The following PIP5K1B variants were observed in gnomAD, a reference collection of about 807,000 sequenced individuals.
PIP5K1B encodes phosphatidylinositol-4-phosphate 5-kinase type 1 beta, also known as phosphatidylinositol 4-phosphate 5-kinase type-1 beta.
In PIP5K1B, 42 loss-of-function variants were observed where a neutral mutation model predicts 67.0. That is an observed-to-expected ratio of 0.63 (90% confidence interval 0.49 to 0.81). The LOEUF (loss-of-function observed/expected upper bound fraction) is 0.81, where lower values mean the gene tolerates loss of function less well. Among genes scored for constraint, PIP5K1B ranks in the 30% least tolerant of loss-of-function variants. The pLI is 0.00. For synonymous variants in PIP5K1B, 214 were observed against 231.4 expected (o/e 0.92, Z 0.68); for missense variants, 459 against 646.3 (o/e 0.71, Z 3.14).
rs1204368945 is a variant in PIP5K1B at position 68,934,928 on chromosome 9, A to G, written c.1240A>G (p.Ile414Val). 12 of 1,612,780 alleles carry G rather than the reference A, an allele frequency of 7.4e-6. No homozygotes were observed. Among genetic ancestry groups the G allele is most frequent in the East Asian group, 2.2e-5 (1 of 44,820 alleles). Residue 414 changes from isoleucine (I) to valine (V), a missense_variant, in exon 13 of 16, where the codon ATC becomes GTC. Coordinates refer to ENST00000265382, the MANE Select transcript of PIP5K1B (RefSeq NM_003558.4). Reference sequence around the variant, plus strand: ...ACCGTCTAAGAAACGGTGCAATTCAATCGCCGCCCTAAAGGCCACTTCACA... The same window carrying G: ...ACCGTCTAAGAAACGGTGCAATTCAGTCGCCGCCCTAAAGGCCACTTCACA... The part of the protein sequence containing the change: ...ASPSKKRCNS[I>V]AALKATSQEI...
chr9:68,880,598 C>T (rs1291563402), intron 6 of PIP5K1B, among the ~76,000 whole-genome samples: 10 of 148,348 alleles, frequency 6.7e-5, no homozygotes, highest in African/African-American at 2.0e-4. Flanking sequence ...CGCATACACA[C>T]ACACACACAC....
At position 69,008,454 on chromosome 9, in the gene PIP5K1B, A is replaced by C. The variant is rs767671141; in HGVS notation, c.*5A>C. On this transcript the variant is annotated 3_prime_UTR_variant, in exon 16 of 16. Transcript: ENST00000265382. ...CTTTTTTGCTCCCCCCAGTAAGTGA[A>C]AATGGTGATCACCTAAGCACATGGA... 5.6e-6 allele frequency: 9 copies of C among 1,613,924 alleles called. No individual in the cohort carries two copies. Among genetic ancestry groups the C allele is most frequent in the Non-Finnish European group, 7.6e-6 (9 of 1,179,764 alleles).
chr9:68,778,607 C>T (rs1831044484), intron 2 of PIP5K1B, among the ~76,000 whole-genome samples: 1 of 152,218 alleles, frequency 6.6e-6, no homozygotes, highest in Non-Finnish European at 1.5e-5. Flanking sequence ...AGAATCTTAT[C>T]TGTACTGTTG....
chr9:68,922,196 G>A (rs2132537973), intron 11 of PIP5K1B, among the ~76,000 whole-genome samples: 1 of 152,250 alleles, frequency 6.6e-6, no homozygotes, highest in East Asian at 1.9e-4. Context: ...CAGGTGCAGT[G>A]GCTCATGCCT....
intron 15 of PIP5K1B, among the ~76,000 whole-genome samples, chr9:69,003,766 C>T (rs1429655979): frequency 3.3e-5 from 5 of 152,194 alleles, no homozygotes; most frequent in Admixed American, 3.3e-4. Flanking sequence ...AAACTCCTCA[C>T]CTTCTCATGC....
chr9:68,990,263 A>C (rs1050275619), intron 14 of PIP5K1B, among the ~76,000 whole-genome samples: 6 of 152,162 alleles, frequency 3.9e-5, no homozygotes, highest in African/African-American at 1.2e-4. Flanking sequence ...CAGAAATGCA[A>C]ATCCATGGGC....
At chr9:68,998,047 TTTTTCTTTTTTTCTTTTTTC>T (rs1162685375) in intron 15 of PIP5K1B, among the ~76,000 whole-genome samples, 1 of 147,516 alleles carries the variant, frequency 6.8e-6, no homozygotes, top group Admixed American at 6.6e-5. Context: ...CTACTTTCTT[TTTTTCTTTTTTTCTTTTTTC>T]TTTTCTTTTT....
In PIP5K1B at chr9:68,823,558, T is replaced by A. The variant is rs570485023; in HGVS notation, c.69+875T>A. ...CTTTTTCCAGACTTCCTAATGTATCTTAACTTACCAGTCTTTGATAAATTC... is the reference window on the plus strand; with the variant it reads ...CTTTTTCCAGACTTCCTAATGTATCATAACTTACCAGTCTTTGATAAATTC... On this transcript the variant is annotated intron_variant, in intron 4 of 15. Coordinates refer to ENST00000265382, the MANE Select transcript of PIP5K1B (RefSeq NM_003558.4). Among the ~76,000 whole-genome samples the A allele has an allele frequency of 2.6e-5, 4 of 152,354 alleles. No individual in the cohort carries two copies. In the East Asian group the frequency reaches 7.7e-4, roughly 29 times the overall value.
chr9:68,721,413 G>C (rs571800634), intron 1 of PIP5K1B, among the ~76,000 whole-genome samples: 1 of 152,274 alleles, frequency 6.6e-6, no homozygotes, highest in East Asian at 1.9e-4. Flanking sequence ...ATGAGTTTTG[G>C]GGAATGGTAG....
intron 12 of PIP5K1B, among the ~76,000 whole-genome samples, chr9:68,925,996 G>A (rs112390476): frequency 0.037 from 5,615 of 151,536 alleles, 149 homozygotes; most frequent in South Asian, 0.088. Flanking sequence ...GGGTTTCGTC[G>A]TGTTGGCCAG....
At chr9:68,839,071 C>G (rs970062758) in intron 4 of PIP5K1B, among the ~76,000 whole-genome samples, 2 of 152,082 alleles carry the variant, frequency 1.3e-5, no homozygotes, top group African/African-American at 4.8e-5. Context: ...GTGCTTTTTG[C>G]AAGTTATTTT....
chr9:68,980,926 A>T (rs752254329), intron 14 of PIP5K1B, among the ~76,000 whole-genome samples: 1 of 152,230 alleles, frequency 6.6e-6, no homozygotes, highest in Non-Finnish European at 1.5e-5. Context: ...ATGACCCAGC[A>T]ATTATGACTC....
intron 5 of PIP5K1B, among the ~76,000 whole-genome samples, chr9:68,865,369 A>G (rs1460298289): frequency 1.3e-5 from 2 of 151,530 alleles, no homozygotes; most frequent in African/African-American, 4.9e-5. Flanking sequence ...GTTTATCTTC[A>G]TCTTTTGGTA....
chr9:68,862,791 C>CA (rs1318677123), intron 4 of PIP5K1B, among the ~76,000 whole-genome samples: 12 of 135,406 alleles, frequency 8.9e-5, no homozygotes, highest in East Asian at 4.2e-4. Context: ...GATGCTGTCT[C>CA]AAAAAAAAAT....
intron 2 of PIP5K1B, among the ~76,000 whole-genome samples, chr9:68,744,993 A>G (rs1829215621): frequency 6.6e-6 from 1 of 151,950 alleles, no homozygotes; most frequent in African/African-American, 2.4e-5. Flanking sequence ...CATGGGAAAC[A>G]CTCACACTTC....
intron 14 of PIP5K1B, among the ~76,000 whole-genome samples, chr9:68,949,097 CAA>C (rs201349064): frequency 9.5e-4 from 136 of 143,094 alleles, no homozygotes; most frequent in African/African-American, 3.4e-3. Flanking sequence ...TTTTAACTGA[CAA>C]AAAAAAAAAG....
chr9:68,928,291 A>G (rs1467769090), intron 12 of PIP5K1B, among the ~76,000 whole-genome samples: 2 of 152,232 alleles, frequency 1.3e-5, no homozygotes, highest in South Asian at 2.1e-4. Flanking sequence ...GGTTCCTTGT[A>G]TGTCCCTATG....
chr9:68,919,671 T>C lies in PIP5K1B; in HGVS notation c.1068-10T>C. On this transcript the variant is annotated splice_polypyrimidine_tract_variant and intron_variant, in intron 10 of 15. Coordinates refer to ENST00000265382, the MANE Select transcript of PIP5K1B (RefSeq NM_003558.4). ...TACATTCTCATTTCAATTTTTCCAT[T>C]TATATTTAGGTTAATGAAGAAGTTA... 6.6e-7 allele frequency: 1 copy of C among 1,525,586 alleles called. No individual in the cohort carries two copies. The allele number at this position is 1,525,586 out of a possible 1,614,324, so 94.5% of individuals were successfully genotyped here. A position where few individuals can be genotyped will look rare whatever the true frequency, so the allele number is the denominator to read the frequency against.
chr9:68,772,951 T>C (rs949958424), intron 2 of PIP5K1B, among the ~76,000 whole-genome samples: 4 of 152,222 alleles, frequency 2.6e-5, no homozygotes, highest in Non-Finnish European at 5.9e-5. Flanking sequence ...CATATTATTT[T>C]ATCTTTACAA....
Sources: allele counts gnomAD v4.1 joint callset (sites outside exome capture counted in the v4.1 genomes callset), GRCh38; gene constraint gnomAD v4.1.1; transcripts MANE v1.5; gene names NCBI Gene and HGNC (gene_info 2026-07-23, HGNC 2026-07-21).